SEMA3A: variants seen among roughly 807,000 people sequenced by gnomAD.
SEMA3A encodes the protein semaphorin-3A.
In SEMA3A, 29 loss-of-function variants were observed where a neutral mutation model predicts 97.9. The observed-to-expected ratio is 0.30, with a 90% confidence interval of 0.22 to 0.40. The LOEUF (loss-of-function observed/expected upper bound fraction) is 0.40. Ranked by LOEUF, SEMA3A falls within the 10% of genes least tolerant of loss-of-function variation. The probability of loss-of-function intolerance (pLI) is 1.00; values close to 1 mark genes in which losing one functional copy is unlikely to be tolerated. For missense variants in SEMA3A, 763 were observed against 951.3 expected (o/e 0.80, Z 2.60); for synonymous variants, 321 against 323.7 (o/e 0.99, Z 0.09).
intron 6 of SEMA3A, among the ~76,000 whole-genome samples, chr7:84,015,534 A>C (rs773863022): frequency 2.4e-4 from 37 of 152,170 alleles, no homozygotes; most frequent in Non-Finnish European, 4.3e-4. Flanking sequence ...ACCTCACTGA[A>C]GGCACTTAGG....
chr7:84,054,577 G>C (rs1177939871), intron 5 of SEMA3A, among the ~76,000 whole-genome samples: 1 of 148,708 alleles, frequency 6.7e-6, no homozygotes, highest in Non-Finnish European at 1.5e-5. Flanking sequence ...GCACTTCTCT[G>C]TATTGGTTAT....
At chr7:84,468,552 T>C (rs1158903230) in intron 1 of SEMA3A, among the ~76,000 whole-genome samples, 1 of 152,214 alleles carries the variant, frequency 6.6e-6, no homozygotes, top group African/African-American at 2.4e-5. Flanking sequence ...TTCTCCTTGT[T>C]GTTATCAACT....
intron 1 of SEMA3A, among the ~76,000 whole-genome samples, chr7:84,135,204 G>A (rs1295008175): frequency 1.3e-5 from 2 of 149,716 alleles, no homozygotes; most frequent in East Asian, 2.0e-4. Flanking sequence ...ACAACCTCCC[G>A]AGTTCAAGCG....
intron 3 of SEMA3A, among the ~76,000 whole-genome samples, chr7:84,238,441 C>A (rs190022652): frequency 1.2e-3 from 178 of 152,234 alleles, no homozygotes; most frequent in African/African-American, 4.0e-3. Context: ...AAGTCTACAC[C>A]ACTTAATTTT....
chr7:84,374,319 T>G (rs1803047732), intron 1 of SEMA3A, among the ~76,000 whole-genome samples: 1 of 152,254 alleles, frequency 6.6e-6, no homozygotes, highest in South Asian at 2.1e-4. Context: ...TGTTCACTGA[T>G]GCACTGCTGA....
intron 12 of SEMA3A, among the ~76,000 whole-genome samples, chr7:83,993,290 T>C (rs1051855757): frequency 7.3e-6 from 1 of 137,058 alleles, no homozygotes; most frequent in Non-Finnish European, 1.6e-5. Context: ...CTGTGTCTTT[T>C]AATTGGAGCA....
intron 10 of SEMA3A, among the ~76,000 whole-genome samples, chr7:84,007,092 G>A (rs1436488318): frequency 5.3e-5 from 8 of 152,044 alleles, no homozygotes; most frequent in Non-Finnish European, 2.9e-5. Flanking sequence ...TTAGAAATGT[G>A]TGGTCAAAAA....
chr7:84,413,773 T>G (rs1172022745), intron 1 of SEMA3A, among the ~76,000 whole-genome samples: 1 of 152,158 alleles, frequency 6.6e-6, no homozygotes, highest in East Asian at 1.9e-4. Flanking sequence ...TGTTTTATAC[T>G]AGTCATTTTT....
At chr7:84,143,989 ACACAC>A (rs1796391986) in intron 1 of SEMA3A, among the ~76,000 whole-genome samples, 1 of 146,786 alleles carries the variant, frequency 6.8e-6, no homozygotes, top group African/African-American at 2.6e-5. Flanking sequence ...ACACACACAC[ACACAC>A]AATTTATTGT....
intron 2 of SEMA3A, among the ~76,000 whole-genome samples, chr7:84,132,278 A>G (rs1298263771): frequency 1.3e-5 from 2 of 152,210 alleles, no homozygotes; most frequent in Non-Finnish European, 2.9e-5. Context: ...GAAGATCACG[A>G]TTTTGGACAA....
At chr7:84,198,523 G>A (rs923664262), upstream of SEMA3A, among the ~76,000 whole-genome samples, 2 of 152,024 alleles carry the variant, frequency 1.3e-5, no homozygotes, top group African/African-American at 4.8e-5. Context: ...TTTTAACATT[G>A]AATTTTATTT....
chr7:84,215,191 A>T (rs1798719740), intron 3 of SEMA3A, among the ~76,000 whole-genome samples: 2 of 149,576 alleles, frequency 1.3e-5, no homozygotes, highest in African/African-American at 4.9e-5. Flanking sequence ...TTATTTATTT[A>T]TTTATTTTTT....
At chr7:84,102,508 G>A (rs1794987026) in intron 4 of SEMA3A, among the ~76,000 whole-genome samples, 1 of 151,050 alleles carries the variant, frequency 6.6e-6, no homozygotes, top group Admixed American at 6.6e-5. Flanking sequence ...GAGCCATTGG[G>A]ACCCATAGAC....
rs1042568299 is a variant in SEMA3A at position 83,960,032 on chromosome 7, T to A, written c.*1339A>T. On this transcript the variant is annotated 3_prime_UTR_variant, in exon 17 of 17. Transcript: ENST00000265362. ...ATTGATATGAAAAGAGTCATGTGTT[T>A]CTTGTACAAATAATTGTCTTAAATA... The A allele has an allele frequency of 2.6e-5, 4 of 152,108 alleles. No individual in the cohort carries two copies. Among genetic ancestry groups the A allele is most frequent in the African/African-American group, 9.6e-5 (4 of 41,458 alleles). The allele number at this position is 152,108 out of a possible 1,614,324, so 9.4% of individuals were successfully genotyped here. A position where few individuals can be genotyped will look rare whatever the true frequency, so the allele number is the denominator to read the frequency against.
chr7:84,245,299 T>A (rs1202355803), intron 3 of SEMA3A, among the ~76,000 whole-genome samples: 3 of 152,054 alleles, frequency 2.0e-5, no homozygotes, highest in East Asian at 3.9e-4. Context: ...TTTTCATTCT[T>A]TTTTCTCTAA....
chr7:84,112,232 G>A (rs1795295284), intron 3 of SEMA3A, among the ~76,000 whole-genome samples: 1 of 152,116 alleles, frequency 6.6e-6, no homozygotes, highest in Non-Finnish European at 1.5e-5. Context: ...CTGATTGTGG[G>A]CTCAATATTA....
At chr7:84,031,662 C>T (rs1356997848) in intron 6 of SEMA3A, among the ~76,000 whole-genome samples, 3 of 151,658 alleles carry the variant, frequency 2.0e-5, no homozygotes, top group East Asian at 2.0e-4. Flanking sequence ...GGAGAAACCC[C>T]GTCTCTACTA....
chr7:84,180,353 G>T (rs909043503), intron 1 of SEMA3A, among the ~76,000 whole-genome samples: 3 of 151,868 alleles, frequency 2.0e-5, no homozygotes, highest in African/African-American at 4.8e-5. Flanking sequence ...GCAGAACATA[G>T]AATTAATTCT....
At chr7:83,971,234 G>C (rs996127801) in intron 15 of SEMA3A, among the ~76,000 whole-genome samples, 4 of 152,060 alleles carry the variant, frequency 2.6e-5, no homozygotes, top group Non-Finnish European at 4.4e-5. Context: ...AAACCAGCCT[G>C]ACCAACGTGA....
Sources: allele counts gnomAD v4.1 joint callset (sites outside exome capture counted in the v4.1 genomes callset), GRCh38; gene constraint gnomAD v4.1.1; transcripts MANE v1.5; gene names NCBI Gene and HGNC (gene_info 2026-07-23, HGNC 2026-07-21).